PXDNL: variants seen among roughly 807,000 people sequenced by gnomAD.
PXDNL encodes probable oxidoreductase PXDNL.
In PXDNL, 145 loss-of-function variants were observed where a neutral mutation model predicts 150.8. The observed-to-expected ratio is 0.96, with a 90% CI of 0.84 to 1.10. PXDNL has a LOEUF of 1.10. Ranked by LOEUF, PXDNL falls within the 50% of genes least tolerant of loss-of-function variation. The probability of loss-of-function intolerance (pLI) is 0.00; values close to 1 mark genes in which losing one functional copy is unlikely to be tolerated. For synonymous variants in PXDNL, 757 were observed against 725.7 expected (o/e 1.04, Z -0.69); for missense variants, 2,087 against 1,873.9 (o/e 1.11, Z -2.10).
intron 1 of PXDNL, among the ~76,000 whole-genome samples, chr8:51,702,599 T>C (rs1388695870): frequency 6.6e-6 from 1 of 152,206 alleles, no homozygotes; most frequent in Admixed American, 6.6e-5. Context: ...TTTTATTAAC[T>C]GTGGGACATT....
At chr8:51,713,412 T>C (rs1563515394) in intron 1 of PXDNL, among the ~76,000 whole-genome samples, 1 of 152,220 alleles carries the variant, frequency 6.6e-6, no homozygotes, top group Non-Finnish European at 1.5e-5. Context: ...AACTTGGCAT[T>C]CAAACAAGGA....
At chr8:51,605,980 C>T (rs187187441) in intron 2 of PXDNL, among the ~76,000 whole-genome samples, 74 of 152,262 alleles carry the variant, frequency 4.9e-4, no homozygotes, top group Non-Finnish European at 6.5e-4. Flanking sequence ...GCCATGCACT[C>T]GGACTTCTCA....
chr8:51,762,425 G>C (rs937603545), intron 1 of PXDNL, among the ~76,000 whole-genome samples: 1 of 152,056 alleles, frequency 6.6e-6, no homozygotes, highest in Non-Finnish European at 1.5e-5. Context: ...AAGCTTTTAA[G>C]TCCAATAAGA....
At chr8:51,705,723 T>C (rs1189779581) in intron 1 of PXDNL, among the ~76,000 whole-genome samples, 1 of 152,212 alleles carries the variant, frequency 6.6e-6, no homozygotes, top group Non-Finnish European at 1.5e-5. Context: ...AGTCAATTGA[T>C]TTCCTTCTTT....
chr8:51,503,636 T>C (rs1285176167), intron 4 of PXDNL, among the ~76,000 whole-genome samples: 1 of 152,182 alleles, frequency 6.6e-6, no homozygotes, highest in East Asian at 1.9e-4. Flanking sequence ...ATATGAATGA[T>C]TACTTGAGAG....
intron 1 of PXDNL, among the ~76,000 whole-genome samples, chr8:51,753,190 C>T (rs2037065271): frequency 6.6e-6 from 1 of 152,206 alleles, no homozygotes; most frequent in Admixed American, 6.5e-5. Context: ...AAATCAAATT[C>T]CCCTTTCCAT....
chr8:51,756,061 A>G (rs1053548402), intron 1 of PXDNL, among the ~76,000 whole-genome samples: 3 of 152,190 alleles, frequency 2.0e-5, no homozygotes, highest in African/African-American at 4.8e-5. Flanking sequence ...CATATACATG[A>G]GTATCACATG....
intron 2 of PXDNL, among the ~76,000 whole-genome samples, chr8:51,614,558 C>T (rs757088947): frequency 1.3e-5 from 2 of 152,164 alleles, no homozygotes; most frequent in Admixed American, 6.5e-5. Context: ...TAGAGATGAC[C>T]AATTCACGAA....
At chr8:51,509,902 G>A in intron 4 of PXDNL, among the ~76,000 whole-genome samples, 1 of 151,696 alleles carries the variant, frequency 6.6e-6, no homozygotes, top group East Asian at 1.9e-4. Flanking sequence ...TAGTTTTAAA[G>A]CTTGCCTTCC....
chr8:51,411,436 A>G, intron 15 of PXDNL, 29 bp from the exon 16 acceptor site: 1 of 1,541,544 alleles, frequency 6.5e-7, no homozygotes, highest in Non-Finnish European at 8.7e-7. Context: ...ATGATTCTTT[A>G]CAAGGCAAAA....
chr8:51,426,068 A>C (rs1809091595), intron 13 of PXDNL, among the ~76,000 whole-genome samples: 1 of 152,244 alleles, frequency 6.6e-6, no homozygotes, highest in South Asian at 2.1e-4. Flanking sequence ...GTAGATTTTT[A>C]AGAACACTGA....
At chr8:51,609,028 A>T (rs1813940298) in intron 2 of PXDNL, among the ~76,000 whole-genome samples, 1 of 152,004 alleles carries the variant, frequency 6.6e-6, no homozygotes, top group African/African-American at 2.4e-5. Flanking sequence ...AATTCTAGAG[A>T]TTTCACTGTT....
chr8:51,421,679 A>G (rs113361737), intron 14 of PXDNL, among the ~76,000 whole-genome samples: 4,852 of 152,344 alleles, frequency 0.032, 115 homozygotes, highest in Non-Finnish European at 0.046. Flanking sequence ...AGCCTGGGCA[A>G]CAGAGTGAGA....
At chr8:51,582,371 T>C (rs1037282085) in intron 3 of PXDNL, among the ~76,000 whole-genome samples, 3 of 152,160 alleles carry the variant, frequency 2.0e-5, no homozygotes, top group Admixed American at 6.6e-5. Context: ...TGGTATTTTG[T>C]TATGGTATCC....
At chr8:51,687,032 T>C (rs1815892280) in intron 1 of PXDNL, among the ~76,000 whole-genome samples, 1 of 152,166 alleles carries the variant, frequency 6.6e-6, no homozygotes, top group African/African-American at 2.4e-5. Context: ...AAAATTGTCA[T>C]TCTTATTAAT....
At chr8:51,370,163 C>T (rs1169882222) in intron 19 of PXDNL, among the ~76,000 whole-genome samples, 1 of 152,220 alleles carries the variant, frequency 6.6e-6, no homozygotes, top group East Asian at 1.9e-4. Context: ...CCTTGAAAGA[C>T]TCAGGACAAT....
At chr8:51,515,577 A>G (rs550809465) in intron 4 of PXDNL, among the ~76,000 whole-genome samples, 1 of 152,194 alleles carries the variant, frequency 6.6e-6, no homozygotes, top group South Asian at 2.1e-4. Context: ...CCTTGCCTTC[A>G]TTTTCTCTTC....
At chr8:51,473,548 A>C (rs920100507) in intron 7 of PXDNL, among the ~76,000 whole-genome samples, 4 of 152,122 alleles carry the variant, frequency 2.6e-5, no homozygotes, top group African/African-American at 9.7e-5. Flanking sequence ...AGAAAGGCTT[A>C]AGAACTTCCA....
intron 2 of PXDNL, among the ~76,000 whole-genome samples, chr8:51,650,841 C>G (rs751985891): frequency 1.8e-4 from 28 of 152,256 alleles, no homozygotes; most frequent in Non-Finnish European, 4.0e-4. Context: ...ACAAATCGAT[C>G]ACTAGTTCAT....
Sources: allele counts gnomAD v4.1 joint callset (sites outside exome capture counted in the v4.1 genomes callset), GRCh38; gene constraint gnomAD v4.1.1; transcripts MANE v1.5; gene names NCBI Gene and HGNC (gene_info 2026-07-23, HGNC 2026-07-21).